Variants in MYO3B observed in about 807,000 individuals in gnomAD.
MYO3B encodes the protein myosin IIIB, also known as myosin-IIIb.
In MYO3B, 156 loss-of-function variants were observed where a neutral mutation model predicts 174.6. That is an observed-to-expected ratio of 0.89 (90% CI 0.78 to 1.02). MYO3B has a LOEUF of 1.02. MYO3B is among the 50% of genes least tolerant of loss of function. The pLI, the probability that MYO3B is intolerant of heterozygous loss-of-function variation, is 0.00. For synonymous variants in MYO3B, 563 were observed against 569.1 expected, an observed-to-expected ratio of 0.99 and a Z score of 0.15; for missense variants, 1,632 against 1,639.4, an observed-to-expected ratio of 1.00 and a Z score of 0.08.
intron 8 of MYO3B, among the ~76,000 whole-genome samples, chr2:170,363,142 G>T (rs983044155): frequency 2.6e-5 from 4 of 151,960 alleles, no homozygotes; most frequent in Admixed American, 2.6e-4. Flanking sequence ...GTAGCAATGG[G>T]AACACATAAC....
intron 32 of MYO3B, among the ~76,000 whole-genome samples, chr2:170,611,345 T>C (rs1695117665): frequency 6.6e-6 from 1 of 152,212 alleles, no homozygotes; most frequent in African/African-American, 2.4e-5. Flanking sequence ...TGGGCTTTTT[T>C]GTTTGTTTGT....
intron 9 of MYO3B, among the ~76,000 whole-genome samples, chr2:170,371,504 C>G (rs1313111820): frequency 1.3e-5 from 2 of 151,898 alleles, no homozygotes; most frequent in Non-Finnish European, 2.9e-5. Context: ...AAATTAATTC[C>G]AAAGGAAACA....
intron 1 of MYO3B, among the ~76,000 whole-genome samples, chr2:170,197,998 A>C (rs2105332820): frequency 6.6e-6 from 1 of 152,262 alleles, no homozygotes; most frequent in South Asian, 2.1e-4. Flanking sequence ...TGCAACCCTG[A>C]AGAATTGAGT....
chr2:170,265,488 G>A (rs2093376594), intron 7 of MYO3B, among the ~76,000 whole-genome samples: 1 of 152,232 alleles, frequency 6.6e-6, no homozygotes, highest in African/African-American at 2.4e-5. Flanking sequence ...CAATTCCCAT[G>A]CCAAGATTTG....
chr2:170,222,229 A>C (rs1198475514), intron 6 of MYO3B, among the ~76,000 whole-genome samples: 1 of 152,238 alleles, frequency 6.6e-6, no homozygotes, highest in Non-Finnish European at 1.5e-5. Flanking sequence ...TAGTGGCTCC[A>C]ACATGCCAAT....
chr2:170,482,210 C>T (rs1446880920), intron 25 of MYO3B, among the ~76,000 whole-genome samples: 1 of 151,372 alleles, frequency 6.6e-6, no homozygotes, highest in Non-Finnish European at 1.5e-5. Context: ...GGCTGGAGTG[C>T]AGCGGAGCAA....
At chr2:170,229,190 T>C (rs894107867) in intron 6 of MYO3B, among the ~76,000 whole-genome samples, 1 of 152,230 alleles carries the variant, frequency 6.6e-6, no homozygotes, top group African/African-American at 2.4e-5. Flanking sequence ...ATCAATAACA[T>C]TTATCAATTA....
intron 32 of MYO3B, among the ~76,000 whole-genome samples, chr2:170,618,570 C>T (rs985664950): frequency 2.6e-5 from 4 of 152,150 alleles, no homozygotes; most frequent in Non-Finnish European, 5.9e-5. Flanking sequence ...TGCAATGGGG[C>T]TCTCTCTTTG....
At chr2:170,462,463 C>G (rs894850817) in intron 23 of MYO3B, among the ~76,000 whole-genome samples, 4 of 152,242 alleles carry the variant, frequency 2.6e-5, no homozygotes, top group Admixed American at 1.3e-4. Context: ...CCTCCTAACT[C>G]TCACCCCTTT....
intron 28 of MYO3B, among the ~76,000 whole-genome samples, chr2:170,504,641 C>T (rs1411259004): frequency 6.6e-6 from 1 of 152,202 alleles, no homozygotes; most frequent in Non-Finnish European, 1.5e-5. Context: ...CCCAGGCTTT[C>T]TCCTCATAAG....
chr2:170,247,738 AG>A (rs1221130892), intron 7 of MYO3B, among the ~76,000 whole-genome samples: 1 of 152,176 alleles, frequency 6.6e-6, no homozygotes, highest in Admixed American at 6.5e-5. Flanking sequence ...GGAAAGCATG[AG>A]GGGGTCTCTC....
intron 30 of MYO3B, among the ~76,000 whole-genome samples, chr2:170,537,400 T>C (rs1404972677): frequency 2.0e-5 from 3 of 148,554 alleles, no homozygotes; most frequent in African/African-American, 7.4e-5. Flanking sequence ...GTTTTACTGC[T>C]GCTTCTTGGG....
intron 7 of MYO3B, among the ~76,000 whole-genome samples, chr2:170,315,161 G>A (rs530642040): frequency 6.6e-6 from 1 of 152,284 alleles, no homozygotes; most frequent in African/African-American, 2.4e-5. Flanking sequence ...AAAGACTGAA[G>A]CTTTAGGAAT....
intron 8 of MYO3B, chr2:170,348,576 A>G (rs987157145): frequency 2.0e-5 from 3 of 151,980 alleles, no homozygotes; most frequent in African/African-American, 7.3e-5. Context: ...TCAACATCCT[A>G]TGTACCTTTT....
intron 1 of MYO3B, chr2:170,180,286 CAAATCAG>C: frequency 3.2e-6 from 1 of 314,754 alleles, no homozygotes; most frequent in Non-Finnish European, 6.9e-6. Flanking sequence ...ACGAGAAACT[CAAATCAG>C]CTCATGAAAA....
At position 170,638,518 on chromosome 2, in the gene MYO3B, G is replaced by T. The variant is rs1005820694; in HGVS notation, c.3734-13110G>T. Among the ~76,000 whole-genome samples, 4 of 152,340 alleles carry T rather than the reference G, an allele frequency of 2.6e-5. No homozygotes were observed. In the South Asian group the frequency reaches 8.3e-4, roughly 32 times the overall value. ...CTGAAAAGCAAAAGCATTTATGTCAGTTTCACAGATGAGGCTCCAAGAGGT... is the reference window on the plus strand; with the variant it reads ...CTGAAAAGCAAAAGCATTTATGTCATTTTCACAGATGAGGCTCCAAGAGGT... On this transcript the variant is annotated intron_variant, in intron 32 of 34. Transcript: ENST00000408978.
At chr2:170,625,708 T>C (rs932523868) in intron 32 of MYO3B, among the ~76,000 whole-genome samples, 6 of 152,230 alleles carry the variant, frequency 3.9e-5, no homozygotes, top group African/African-American at 1.2e-4. Flanking sequence ...TAAGTTTCCC[T>C]CTACACACTG....
intron 7 of MYO3B, among the ~76,000 whole-genome samples, chr2:170,268,414 T>C (rs1007786825): frequency 4.6e-5 from 7 of 152,168 alleles, no homozygotes; most frequent in Non-Finnish European, 7.4e-5. Context: ...GAGAATCCAA[T>C]TGTAAAATCT....
chr2:170,300,810 C>G (rs2093660741), intron 7 of MYO3B, among the ~76,000 whole-genome samples: 1 of 152,146 alleles, frequency 6.6e-6, no homozygotes, highest in Non-Finnish European at 1.5e-5. Context: ...TCTTAAGTGA[C>G]TTACTTGATA....
Sources: allele counts gnomAD v4.1 joint callset (sites outside exome capture counted in the v4.1 genomes callset), GRCh38; gene constraint gnomAD v4.1.1; transcripts MANE v1.5; gene names NCBI Gene and HGNC (gene_info 2026-07-23, HGNC 2026-07-21).